SAMMSON: variants seen among roughly 807,000 people sequenced by gnomAD.
SAMMSON encodes the protein survival associated mitochondrial melanoma specific oncogenic non-coding RNA.
At chr3:70,262,960 A>T (rs973862368) in intron 6 of SAMMSON, among the ~76,000 whole-genome samples, 1 of 152,078 alleles carries the variant, frequency 6.6e-6, no homozygotes, top group African/African-American at 2.4e-5. Context: ...TCCTATCTGT[A>T]TTGTCTAACC....
intron 4 of SAMMSON, among the ~76,000 whole-genome samples, chr3:70,212,037 T>C (rs1480867638): frequency 6.6e-6 from 1 of 152,066 alleles, no homozygotes; most frequent in Non-Finnish European, 1.5e-5. Flanking sequence ...CTTAGTTTCT[T>C]TCTTCCTACC....
intron 6 of SAMMSON, among the ~76,000 whole-genome samples, chr3:70,275,132 G>A (rs1467377593): frequency 6.6e-6 from 1 of 152,090 alleles, no homozygotes; most frequent in Non-Finnish European, 1.5e-5. Flanking sequence ...TGACTTTATA[G>A]TTATTTAAAT....
At chr3:70,206,119 A>G (rs1298834934) in intron 4 of SAMMSON, among the ~76,000 whole-genome samples, 2 of 151,986 alleles carry the variant, frequency 1.3e-5, no homozygotes, top group African/African-American at 4.8e-5. Flanking sequence ...TGCTGATGAG[A>G]TTGCTTAATC....
At chr3:70,319,697 T>G (rs1046772952) in intron 7 of SAMMSON, among the ~76,000 whole-genome samples, 6 of 152,074 alleles carry the variant, frequency 3.9e-5, no homozygotes, top group African/African-American at 1.4e-4. Flanking sequence ...AAGCCATAAA[T>G]CATATGATAG....
chr3:70,013,646 C>G (rs1335121481), exon 3 of SAMMSON: 1 of 152,124 alleles, frequency 6.6e-6, no homozygotes, highest in Non-Finnish European at 1.5e-5. Flanking sequence ...ATGGCACATC[C>G]TCCTGGAAAG....
intron 6 of SAMMSON, among the ~76,000 whole-genome samples, chr3:70,273,315 T>A (rs1575612228): frequency 6.6e-6 from 1 of 152,294 alleles, no homozygotes; most frequent in East Asian, 1.9e-4. Flanking sequence ...CTAAGGAAAA[T>A]ATGTGTTTAT....
chr3:70,252,396 G>T (rs1017321315), intron 6 of SAMMSON, among the ~76,000 whole-genome samples: 15 of 152,190 alleles, frequency 9.9e-5, no homozygotes, highest in Non-Finnish European at 1.5e-4. Flanking sequence ...ATTGGGTGTT[G>T]GGGAGTGGGT....
chr3:70,027,276 A>T (rs2067044851), intron 3 of SAMMSON, among the ~76,000 whole-genome samples: 1 of 152,214 alleles, frequency 6.6e-6, no homozygotes, highest in African/African-American at 2.4e-5. Context: ...ATCATCAGCC[A>T]TGTAGAAAGT....
At chr3:70,059,998 G>A (rs1028100289) in intron 3 of SAMMSON, among the ~76,000 whole-genome samples, 4 of 152,104 alleles carry the variant, frequency 2.6e-5, no homozygotes, top group African/African-American at 4.8e-5. Context: ...AAAAATCTAT[G>A]AAGTGCTGTA....
chr3:70,397,573 G>T (rs1056313331), intron 2 of SAMMSON, among the ~76,000 whole-genome samples: 1 of 152,056 alleles, frequency 6.6e-6, no homozygotes, highest in Admixed American at 6.6e-5. Flanking sequence ...TCCACTTTCG[G>T]ATTAACAATA....
intron 6 of SAMMSON, among the ~76,000 whole-genome samples, chr3:70,262,865 G>T (rs905035982): frequency 3.3e-5 from 5 of 152,070 alleles, no homozygotes; most frequent in African/African-American, 7.2e-5. Flanking sequence ...GGTCAATAAG[G>T]TTGGGTTTTA....
intron 7 of SAMMSON, among the ~76,000 whole-genome samples, chr3:70,327,856 G>A (rs1702590244): frequency 6.6e-6 from 1 of 152,176 alleles, no homozygotes; most frequent in Non-Finnish European, 1.5e-5. Context: ...AAAACATGTT[G>A]AAAGGAATAA....
At chr3:70,080,153 G>A (rs1420904335) in intron 4 of SAMMSON, among the ~76,000 whole-genome samples, 6 of 152,160 alleles carry the variant, frequency 3.9e-5, no homozygotes, top group African/African-American at 7.2e-5. Flanking sequence ...TGAGGACAGC[G>A]AAGTGCCTAG....
intron 4 of SAMMSON, among the ~76,000 whole-genome samples, chr3:70,221,557 C>G (rs1288750780): frequency 6.6e-6 from 1 of 151,960 alleles, no homozygotes; most frequent in African/African-American, 2.4e-5. Flanking sequence ...GCTTTATGGC[C>G]TATTTAAAGG....
chr3:70,265,143 G>T (rs1048757595), intron 6 of SAMMSON, among the ~76,000 whole-genome samples: 2 of 152,192 alleles, frequency 1.3e-5, no homozygotes, highest in Non-Finnish European at 2.9e-5. Context: ...AATTATGGGA[G>T]CTACAATTCA....
chr3:70,192,477 T>G (rs1559531489), intron 4 of SAMMSON, among the ~76,000 whole-genome samples: 1 of 152,260 alleles, frequency 6.6e-6, no homozygotes, highest in East Asian at 1.9e-4. Flanking sequence ...AGGTGATCTT[T>G]AAGCCAGACT....
At chr3:70,200,534 C>T (rs1701227203) in intron 4 of SAMMSON, among the ~76,000 whole-genome samples, 2 of 152,174 alleles carry the variant, frequency 1.3e-5, no homozygotes, top group Non-Finnish European at 2.9e-5. Flanking sequence ...AACTCCTATT[C>T]AAACATTTAA....
intron 6 of SAMMSON, among the ~76,000 whole-genome samples, chr3:70,266,684 G>T (rs895286595): frequency 3.3e-5 from 5 of 152,084 alleles, no homozygotes; most frequent in African/African-American, 1.2e-4. Context: ...AGGCCCAAGA[G>T]ATTCTTCTGC....
rs771522303 is a variant in SAMMSON at position 70,177,649 on chromosome 3, G to A, written n.508-71458G>A. 2.6e-4 allele frequency among the ~76,000 whole-genome samples: 39 copies of A among 152,164 alleles called. No individual in the cohort carries two copies. In the Middle Eastern group the frequency reaches 0.014, roughly 53 times the overall value. The stretch of plus-strand genomic sequence containing the variant: ...CTAAAATTTATTGAGAATTTACCTC[G>A]CACTGGACAATATGCTAATTGCTTT... On this transcript the variant is annotated intron_variant and non_coding_transcript_variant, in intron 4 of 9. Coordinates refer to ENST00000642114, the Ensembl canonical transcript of SAMMSON.
Sources: gnomAD v4.1 joint callset for allele counts (sites outside exome capture counted in the v4.1 genomes callset) on GRCh38, gnomAD v4.1.1 for gene constraint, MANE v1.5 for transcripts, NCBI Gene and HGNC (gene_info 2026-07-23, HGNC 2026-07-21) for gene names.